SORBS2: variants seen among roughly 807,000 people sequenced by gnomAD.
The protein encoded by SORBS2 is sorbin and SH3 domain-containing protein 2.
In SORBS2, 46 loss-of-function variants were observed where a neutral mutation model predicts 97.7. That is an observed-to-expected ratio of 0.47 (90% CI 0.37 to 0.60). The LOEUF (loss-of-function observed/expected upper bound fraction) is 0.60. Among genes scored for constraint, SORBS2 ranks in the 20% least tolerant of loss-of-function variants. SORBS2 has a pLI of 0.00. For synonymous variants in SORBS2, 476 were observed against 473.4 expected (o/e 1.01, Z -0.07); for missense variants, 1,316 against 1,282.3 (o/e 1.03, Z -0.40).
chr4:185,828,552 C>T (rs1172147410), intron 1 of SORBS2, among the ~76,000 whole-genome samples: 3 of 151,994 alleles, frequency 2.0e-5, no homozygotes, highest in South Asian at 2.1e-4. Flanking sequence ...TATAATACAA[C>T]AAAGAAAGAA....
exon 15 of SORBS2, chr4:185,586,075 C>CTAAA (rs3842594): frequency 0.84 from 127,179 of 152,186 alleles, 53,827 homozygotes; most frequent in East Asian, 0.91. Context: ...TTCTCAACAA[C>CTAAA]TAGTCTGTAC....
intron 1 of SORBS2, among the ~76,000 whole-genome samples, chr4:185,798,451 G>C (rs2099115703): frequency 6.6e-6 from 1 of 152,030 alleles, no homozygotes; most frequent in African/African-American, 2.4e-5. Flanking sequence ...AAGAAAAAAA[G>C]ATTATGAGTT....
chr4:185,779,160 C>A (rs2099015071), intron 1 of SORBS2, among the ~76,000 whole-genome samples: 2 of 147,192 alleles, frequency 1.4e-5, no homozygotes, highest in African/African-American at 2.5e-5. Context: ...TTGAACCTTT[C>A]AGAAAACTTT....
chr4:185,742,610 G>C (rs2098734335), intron 2 of SORBS2, among the ~76,000 whole-genome samples: 2 of 152,116 alleles, frequency 1.3e-5, no homozygotes, highest in African/African-American at 4.8e-5. Flanking sequence ...TAGAGCCTTT[G>C]ACACAGTAAA....
At chr4:185,816,949 T>C (rs1320397858) in intron 1 of SORBS2, among the ~76,000 whole-genome samples, 1 of 152,144 alleles carries the variant, frequency 6.6e-6, no homozygotes, top group Admixed American at 6.5e-5. Flanking sequence ...CCCCTAGAAA[T>C]TCTGTATACT....
chr4:185,824,846 T>C (rs922919835), intron 1 of SORBS2, among the ~76,000 whole-genome samples: 1 of 152,190 alleles, frequency 6.6e-6, no homozygotes, highest in Non-Finnish European at 1.5e-5. Flanking sequence ...AGAAGAATCT[T>C]CCAGGGTAAC....
intron 2 of SORBS2, among the ~76,000 whole-genome samples, chr4:185,693,746 C>T (rs1458870351): frequency 6.6e-6 from 1 of 152,160 alleles, no homozygotes; most frequent in Non-Finnish European, 1.5e-5. Flanking sequence ...ACAAAATCTG[C>T]TGACAGACAA....
intron 1 of SORBS2, among the ~76,000 whole-genome samples, chr4:185,794,218 C>G (rs550720990): frequency 1.3e-5 from 2 of 151,846 alleles, no homozygotes; most frequent in African/African-American, 4.8e-5. Flanking sequence ...AAAGAAATGA[C>G]GTTAGGGTGG....
rs1246894497 is a variant in SORBS2 at position 185,677,366 on chromosome 4, T to C, written c.-46+1057A>G. ...GAACTGGGGTGTTGATGTTAGCGAA[T>C]GGTGCAGGATCCGTGCTGGAAGCTG... On this transcript the variant is annotated intron_variant, in intron 4 of 20. Transcript: ENST00000284776. The C allele has an allele frequency of 3.9e-6, 6 of 1,552,374 alleles. No homozygotes were observed. The East Asian group carries it at 1.2e-4, about 32-fold the overall frequency.
At chr4:185,772,972 T>G (rs2098979931) in intron 2 of SORBS2, 1 of 152,022 alleles carries the variant, frequency 6.6e-6, no homozygotes, top group Admixed American at 6.6e-5. Flanking sequence ...ACTCGGTGGC[T>G]TTGGCTAGCT....
chr4:185,837,907 C>T (rs948496967), intron 1 of SORBS2, among the ~76,000 whole-genome samples: 1 of 151,002 alleles, frequency 6.6e-6, no homozygotes, highest in African/African-American at 2.4e-5. Context: ...TGTAGGGCTG[C>T]TTGGGCCAGT....
At chr4:185,656,921 G>C (rs1339727713) in exon 1 of SORBS2, 1 of 1,220,468 alleles carries the variant, frequency 8.2e-7, no homozygotes, top group Non-Finnish European at 1.0e-6. Context: ...TCCTTTCCAT[G>C]ACATTAACTC....
chr4:185,840,234 G>A (rs1027217024), intron 1 of SORBS2, among the ~76,000 whole-genome samples: 5 of 152,254 alleles, frequency 3.3e-5, no homozygotes, highest in African/African-American at 4.8e-5. Flanking sequence ...CAATTTTCCC[G>A]TGTTATGGAA....
chr4:185,693,026 C>T lies in SORBS2; in HGVS notation c.-197-14204G>A, dbSNP rs74929545. On this transcript the variant is annotated intron_variant, in intron 2 of 20. Transcript: ENST00000284776. ...CTGTGTTCAGTGTCATATCGTTGTC[C>T]GTCTGCCCTGGGCATCATTGCAGTG... 1.0e-2 allele frequency among the ~76,000 whole-genome samples: 1,521 copies of T among 152,168 alleles called. 24 individuals are homozygous for T. Among genetic ancestry groups the T allele is most frequent in the African/African-American group, 0.035 (1,456 of 41,496 alleles).
intron 2 of SORBS2, among the ~76,000 whole-genome samples, chr4:185,765,532 A>G (rs996757301): frequency 5.3e-5 from 8 of 152,230 alleles, no homozygotes; most frequent in Admixed American, 1.3e-4. Flanking sequence ...TCTCACTGCA[A>G]TCAAGCTTTC....
At chr4:185,656,677 T>C (rs1275572480) in exon 1 of SORBS2, 1 of 1,550,638 alleles carries the variant, frequency 6.4e-7, no homozygotes, top group Non-Finnish European at 8.7e-7. Flanking sequence ...GCACAAGCCT[T>C]CTCTTCCAGT....
chr4:185,867,184 GT>G (rs1456724813), intron 1 of SORBS2, among the ~76,000 whole-genome samples: 2 of 151,948 alleles, frequency 1.3e-5, no homozygotes, highest in African/African-American at 2.4e-5. Context: ...GCTAATTTTT[GT>G]ATTTTTAGTA....
chr4:185,626,947 C>G, exon 6 of SORBS2: 1 of 1,614,178 alleles, frequency 6.2e-7, no homozygotes, highest in Non-Finnish European at 8.5e-7. Context: ...TTTGATCTCC[C>G]AAGCCCCGTG....
chr4:185,699,182 A>G (rs2098222248), intron 2 of SORBS2, among the ~76,000 whole-genome samples: 1 of 152,066 alleles, frequency 6.6e-6, no homozygotes, highest in Non-Finnish European at 1.5e-5. Context: ...GCTATGTGGA[A>G]TTTAAATTTT....
Sources: allele counts gnomAD v4.1 joint callset (sites outside exome capture counted in the v4.1 genomes callset), GRCh38; gene constraint gnomAD v4.1.1; transcripts MANE v1.5; gene names NCBI Gene and HGNC (gene_info 2026-07-23, HGNC 2026-07-21).